LRGUK: variants seen among roughly 807,000 people sequenced by gnomAD.
LRGUK encodes the protein leucine-rich repeat and guanylate kinase domain-containing protein.
A neutral mutation model predicts 76.0 loss-of-function variants in LRGUK; 65 were observed. The ratio of observed to expected loss-of-function variants is 0.85; its 90% CI spans 0.70 to 1.05. The LOEUF (loss-of-function observed/expected upper bound fraction) is 1.05, where lower values mean the gene tolerates loss of function less well. Ranked by LOEUF, LRGUK falls within the 50% of genes least tolerant of loss-of-function variation. LRGUK has a pLI of 0.00. For synonymous variants in LRGUK, 268 were observed against 265.6 expected, an observed-to-expected ratio of 1.01 and a Z score of -0.09; for missense variants, 758 against 732.8, an observed-to-expected ratio of 1.03 and a Z score of -0.40.
chr7:134,240,904 T>G (rs1386687459), intron 16 of LRGUK, among the ~76,000 whole-genome samples: 2 of 152,210 alleles, frequency 1.3e-5, no homozygotes, highest in Non-Finnish European at 2.9e-5. Flanking sequence ...ATATTCAACA[T>G]TCTTAAAGAA....
chr7:134,245,098 A>G (rs982718789), intron 16 of LRGUK, among the ~76,000 whole-genome samples: 1 of 152,146 alleles, frequency 6.6e-6, no homozygotes. Context: ...TGACGAGTTA[A>G]TGGGTGCAGC....
At chr7:134,136,996 T>G in intron 1 of LRGUK, 27 bp from the exon 2 acceptor site, 1 of 1,505,386 alleles carries the variant, frequency 6.6e-7, no homozygotes. Flanking sequence ...AATCTTTTCT[T>G]TGTCTACCTT....
intron 4 of LRGUK, among the ~76,000 whole-genome samples, chr7:134,145,614 A>T (rs969809450): frequency 5.3e-5 from 8 of 152,156 alleles, no homozygotes; most frequent in South Asian, 2.1e-4. Flanking sequence ...TATTGTCCTG[A>T]TACTGAAGCA....
intron 4 of LRGUK, among the ~76,000 whole-genome samples, chr7:134,146,789 A>T (rs577625467): frequency 2.5e-4 from 38 of 152,352 alleles, no homozygotes; most frequent in African/African-American, 7.5e-4. Flanking sequence ...AATAATCTCC[A>T]TAAATTTGGG....
intron 18 of LRGUK, among the ~76,000 whole-genome samples, chr7:134,253,397 G>A (rs575841374): frequency 2.6e-5 from 4 of 152,288 alleles, no homozygotes; most frequent in Non-Finnish European, 4.4e-5. Context: ...GATATATGAA[G>A]ATGCAGATCT....
chr7:134,237,941 C>T (rs180872569), intron 16 of LRGUK, among the ~76,000 whole-genome samples: 31 of 152,186 alleles, frequency 2.0e-4, no homozygotes, highest in African/African-American at 5.5e-4. Context: ...TAAATTACTC[C>T]GTTGATTTAT....
At chr7:134,247,146 A>G (rs942988264) in intron 16 of LRGUK, among the ~76,000 whole-genome samples, 27 of 152,218 alleles carry the variant, frequency 1.8e-4, no homozygotes, top group Admixed American at 1.6e-3. Flanking sequence ...TTTCCGGATC[A>G]TAATTAAATT....
chr7:134,167,987 T>C (rs537942201), intron 7 of LRGUK, among the ~76,000 whole-genome samples: 1 of 152,330 alleles, frequency 6.6e-6, no homozygotes, highest in South Asian at 2.1e-4. Context: ...CCAACTAGAA[T>C]GTTAACTTCA....
intron 7 of LRGUK, 65 bp downstream of exon 7, chr7:134,163,605 C>A: frequency 1.4e-6 from 2 of 1,382,440 alleles, no homozygotes; most frequent in Non-Finnish European, 9.6e-7. Context: ...AGAGACTTAG[C>A]ACACACCCTT....
At chr7:134,179,685 A>G (rs958994464) in intron 10 of LRGUK, among the ~76,000 whole-genome samples, 2 of 152,360 alleles carry the variant, frequency 1.3e-5, no homozygotes, top group African/African-American at 4.8e-5. Context: ...ATAAAAACAT[A>G]TATCAAGGAA....
chr7:134,141,207 G>A (rs12540359), intron 3 of LRGUK, among the ~76,000 whole-genome samples: 3 of 151,850 alleles, frequency 2.0e-5, no homozygotes, highest in Non-Finnish European at 4.4e-5. Flanking sequence ...GTAAAGTACC[G>A]CATATGTTTC....
exon 16 of LRGUK, chr7:134,208,754 G>C (rs1230880932): frequency 5.0e-6 from 2 of 398,864 alleles, no homozygotes; most frequent in African/African-American, 2.1e-5. Context: ...AGCACACCTG[G>C]TTCCATCTCC....
chr7:134,175,160 C>T lies in LRGUK; in HGVS notation c.1020+524C>T, dbSNP rs1799428963. On this transcript the variant is annotated intron_variant, in intron 8 of 15. Coordinates refer to ENST00000645682, the Ensembl canonical transcript of LRGUK. ...ATACATTTCCCAGGAGTTCTTCACA[C>T]CTCTGGGACTGAAGGATCAGGGAGT... Among the ~76,000 whole-genome samples the T allele has an allele frequency of 4.6e-5, 7 of 152,260 alleles. No homozygotes were observed. The South Asian group carries it at 1.2e-3, about 27-fold the overall frequency.
exon 6 of LRGUK, chr7:134,158,082 A>C: frequency 6.2e-7 from 1 of 1,613,192 alleles, no homozygotes; most frequent in Non-Finnish European, 8.5e-7. Flanking sequence ...CAACAACCTA[A>C]TTCACCTTAG....
At chr7:134,212,652 GTTTATTTTTACTAAAAGTGTA>G (rs1438937303), downstream of LRGUK, among the ~76,000 whole-genome samples, 1 of 152,072 alleles carries the variant, frequency 6.6e-6, no homozygotes, top group Non-Finnish European at 1.5e-5. Flanking sequence ...TATATCATTT[GTTTATTTTTACTAAAAGTGTA>G]TTTATTTTTA....
intron 19 of LRGUK, among the ~76,000 whole-genome samples, chr7:134,262,567 G>T (rs1300955314): frequency 6.6e-6 from 1 of 152,050 alleles, no homozygotes; most frequent in African/African-American, 2.4e-5. Flanking sequence ...GGACTTGAAC[G>T]GATTGAAAAA....
At chr7:134,193,588 G>A (rs1031456684) in intron 12 of LRGUK, among the ~76,000 whole-genome samples, 1 of 152,096 alleles carries the variant, frequency 6.6e-6, no homozygotes, top group African/African-American at 2.4e-5. Context: ...TATTTTTACT[G>A]CTTCTGATAA....
chr7:134,139,478 C>A, exon 3 of LRGUK: 1 of 1,610,062 alleles, frequency 6.2e-7, no homozygotes, highest in South Asian at 1.1e-5. Flanking sequence ...TGGATATGTT[C>A]ATCTACAGAA....
chr7:134,215,920 A>G (rs1251662026), intron 15 of LRGUK, among the ~76,000 whole-genome samples: 3 of 152,240 alleles, frequency 2.0e-5, no homozygotes, highest in Non-Finnish European at 4.4e-5. Flanking sequence ...CTCTAATCTT[A>G]AAACTGATTA....
Sources: gnomAD v4.1 joint callset for allele counts (sites outside exome capture counted in the v4.1 genomes callset) on GRCh38, gnomAD v4.1.1 for gene constraint, MANE v1.5 for transcripts, NCBI Gene and HGNC (gene_info 2026-07-23, HGNC 2026-07-21) for gene names.